Variants in RNF152 observed in about 807,000 individuals in gnomAD.
RNF152 encodes E3 ubiquitin-protein ligase RNF152.
RNF152 carries 11 observed loss-of-function variants against 12.7 expected under a neutral mutation model. That is an observed-to-expected ratio of 0.86 (90% CI 0.54 to 1.43). The LOEUF is 1.43. Ranked by LOEUF, RNF152 falls within the 40% of genes most tolerant of loss-of-function variation. The pLI is 0.00. For synonymous variants in RNF152, 113 were observed against 120.3 expected (o/e 0.94, Z 0.40); for missense variants, 255 against 274.8 (o/e 0.93, Z 0.51).
At chr18:61,884,275 G>A (rs1162842532) in intron 1 of RNF152, among the ~76,000 whole-genome samples, 2 of 152,104 alleles carry the variant, frequency 1.3e-5, no homozygotes, top group Non-Finnish European at 2.9e-5. Context: ...CAGGTCACGT[G>A]GCAGACGTGA....
At chr18:61,857,693 TTAAA>T (rs943468932) in intron 1 of RNF152, among the ~76,000 whole-genome samples, 1 of 150,734 alleles carries the variant, frequency 6.6e-6, no homozygotes, top group African/African-American at 2.4e-5. Context: ...TCACCAGTCA[TTAAA>T]CAAACAAACA....
At chr18:61,835,610 AT>A (rs1910144944) in intron 1 of RNF152, among the ~76,000 whole-genome samples, 3 of 152,196 alleles carry the variant, frequency 2.0e-5, no homozygotes, top group African/African-American at 4.8e-5. Flanking sequence ...AAAATAATAA[AT>A]TAAAAAGGAT....
At chr18:61,835,057 A>G (rs1335085628) in intron 1 of RNF152, among the ~76,000 whole-genome samples, 1 of 152,190 alleles carries the variant, frequency 6.6e-6, no homozygotes, top group Non-Finnish European at 1.5e-5. Flanking sequence ...GCCCCAAAAT[A>G]GGCACTCTCA....
At chr18:61,827,953 C>T (rs1599269859) in intron 1 of RNF152, among the ~76,000 whole-genome samples, 1 of 152,208 alleles carries the variant, frequency 6.6e-6, no homozygotes, top group South Asian at 2.1e-4. Context: ...CATTAATCCA[C>T]CTTTTCTAAC....
chr18:61,844,177 G>C (rs1384703262), intron 1 of RNF152, among the ~76,000 whole-genome samples: 1 of 65,922 alleles, frequency 1.5e-5, no homozygotes, highest in Non-Finnish European at 4.7e-5. Flanking sequence ...AAGGGAGGAA[G>C]AGAGGAAGGA....
intron 1 of RNF152, among the ~76,000 whole-genome samples, chr18:61,843,632 G>A (rs901953729): frequency 2.6e-5 from 4 of 152,114 alleles, no homozygotes; most frequent in African/African-American, 9.7e-5. Flanking sequence ...TAAAACAGCA[G>A]GAAATTCTGA....
intron 1 of RNF152, among the ~76,000 whole-genome samples, chr18:61,870,228 T>C (rs1349148388): frequency 6.6e-6 from 1 of 152,152 alleles, no homozygotes; most frequent in Non-Finnish European, 1.5e-5. Context: ...AGGGAGCTTT[T>C]GGTGGTCAAA....
chr18:61,823,235 T>C (rs1909501137), intron 1 of RNF152, among the ~76,000 whole-genome samples: 1 of 152,250 alleles, frequency 6.6e-6, no homozygotes, highest in Non-Finnish European at 1.5e-5. Context: ...TTTCCTCCTA[T>C]GAGCATCCTG....
intron 1 of RNF152, among the ~76,000 whole-genome samples, chr18:61,877,152 C>T (rs1912248927): frequency 1.3e-5 from 2 of 152,220 alleles, no homozygotes; most frequent in African/African-American, 4.8e-5. Flanking sequence ...CCACAAACAA[C>T]TCGGCTGTTG....
chr18:61,866,729 C>T (rs1911750286), intron 1 of RNF152, among the ~76,000 whole-genome samples: 2 of 152,260 alleles, frequency 1.3e-5, no homozygotes, highest in South Asian at 4.1e-4. Flanking sequence ...CTACTTCCTC[C>T]CAACATTGGT....
At chr18:61,865,922 A>T (rs957236954) in intron 1 of RNF152, among the ~76,000 whole-genome samples, 8 of 152,226 alleles carry the variant, frequency 5.3e-5, no homozygotes, top group Non-Finnish European at 1.2e-4. Flanking sequence ...CTGTTAGAAC[A>T]ATCAGGCACT....
At chr18:61,893,464 C>T (rs994945752), upstream of RNF152, 2 of 152,566 alleles carry the variant, frequency 1.3e-5, no homozygotes, top group African/African-American at 4.8e-5. Context: ...GCAGCGCTCC[C>T]CAAGCCATGC....
Position 61,814,752 on chromosome 18 carries a change from G to T in RNF152, c.*1100C>A, listed in dbSNP as rs1009799342. 6.6e-6 allele frequency: 1 copy of T among 152,134 alleles called. No homozygotes were observed. Among genetic ancestry groups the T allele is most frequent in the Non-Finnish European group, 1.5e-5 (1 of 68,002 alleles). 9.4% of individuals were successfully genotyped at this position (152,134 alleles called of 1,614,324 possible). ...TCACAGGCCATTTATTAAAATGCCC[G>T]CCTGGGTTGACCATCAGTCACAACA... On this transcript the variant is annotated 3_prime_UTR_variant, in exon 2 of 2. Transcript: ENST00000312828.
rs550592312 is a variant in RNF152 at position 61,815,743 on chromosome 18, G to A, written c.*109C>T. 19 of 1,281,130 alleles carry A rather than the reference G, an allele frequency of 1.5e-5. No individual in the cohort carries two copies. The highest frequency in any genetic ancestry group is 4.4e-5 in the African/African-American group (3 of 67,798). 79.4% of individuals were successfully genotyped at this position (1,281,130 alleles called of 1,614,324 possible). On this transcript the variant is annotated 3_prime_UTR_variant, in exon 2 of 2. Transcript: ENST00000312828. Reference sequence around the variant, plus strand: ...ATCAAGAGGCAACCCAGAGGCCAGCGCTCAGCACCAAATGGTCAGTGTTGC... The same window carrying A: ...ATCAAGAGGCAACCCAGAGGCCAGCACTCAGCACCAAATGGTCAGTGTTGC...
chr18:61,861,919 G>A (rs1482408377), intron 1 of RNF152, among the ~76,000 whole-genome samples: 3 of 152,080 alleles, frequency 2.0e-5, no homozygotes, highest in African/African-American at 7.2e-5. Flanking sequence ...ATTAGGCCCC[G>A]ACCTCCAACA....
chr18:61,844,125 A>AGAAAGAAAGAAAGAAAGAAG (rs1910622099), intron 1 of RNF152, among the ~76,000 whole-genome samples: 1 of 142,802 alleles, frequency 7.0e-6, no homozygotes, highest in Non-Finnish European at 1.6e-5. Context: ...AAAGAAAGAA[A>AGAAAGAAAGAAAGAAAGAAG]GAAAGAAAGA....
At chr18:61,860,599 A>G (rs1911428412) in intron 1 of RNF152, among the ~76,000 whole-genome samples, 1 of 152,236 alleles carries the variant, frequency 6.6e-6, no homozygotes, top group African/African-American at 2.4e-5. Context: ...ACAATACTTG[A>G]TAATGATAAT....
chr18:61,816,154 G>C lies in RNF152; in HGVS notation c.310C>G (p.Leu104Val). 6.2e-7 allele frequency: 1 copy of C among 1,614,226 alleles called. No homozygotes were observed. Among genetic ancestry groups the C allele is most frequent in the Non-Finnish European group, 8.5e-7 (1 of 1,180,026 alleles). Residue 104 changes from leucine to valine, a missense_variant, in exon 2 of 2, where the codon CTG becomes GTG. Transcript: ENST00000312828. Reference protein sequence around the residue: ...LPSNGCYMLPLPISKERALLP... With the variant: ...LPSNGCYMLPVPISKERALLP... ...AGCGCACGCTCCTTGGAGATGGGCA[G>C]GGGCAGCATGTAGCACCCATTGCTG...
intron 1 of RNF152, among the ~76,000 whole-genome samples, chr18:61,866,002 T>G (rs997418469): frequency 6.6e-6 from 1 of 152,204 alleles, no homozygotes; most frequent in Non-Finnish European, 1.5e-5. Context: ...TTATTCTGCC[T>G]CCTAAAATTT....
Sources: gnomAD v4.1 joint callset for allele counts (sites outside exome capture counted in the v4.1 genomes callset) on GRCh38, gnomAD v4.1.1 for gene constraint, MANE v1.5 for transcripts, NCBI Gene and HGNC (gene_info 2026-07-23, HGNC 2026-07-21) for gene names.